The following LTBP4 variants were observed in gnomAD, a reference collection of about 807,000 sequenced individuals.
The protein encoded by LTBP4 is latent transforming growth factor beta binding protein 4, also known as latent-transforming growth factor beta-binding protein 4.
In LTBP4, 93 loss-of-function variants were observed where a neutral mutation model predicts 180.2. That is an observed-to-expected ratio of 0.52 (90% CI 0.44 to 0.61). The LOEUF (loss-of-function observed/expected upper bound fraction) is 0.61. Among genes scored for constraint, LTBP4 ranks in the 20% least tolerant of loss-of-function variants. The pLI is 0.00. For synonymous variants in LTBP4, 947 were observed against 934.5 expected (o/e 1.01, Z -0.24); for missense variants, 2,116 against 2,256.5 (o/e 0.94, Z 1.26).
At chr19:40,610,023 C>A in intron 11 of LTBP4, 152 bp downstream of exon 11, 1 of 1,065,750 alleles carries the variant, frequency 9.4e-7, no homozygotes, top group Non-Finnish European at 1.3e-6. Context: ...TTCCCTGACC[C>A]GCCTCCACCC....
At chr19:40,600,383 G>A (rs945365619), upstream of LTBP4, among the ~76,000 whole-genome samples, 3 of 152,156 alleles carry the variant, frequency 2.0e-5, no homozygotes, top group African/African-American at 7.2e-5. This position sits in a 1 kb window ranked among gnomAD's most constrained non-coding sequence, Gnocchi z 4.4. Flanking sequence ...CAGAGGCACT[G>A]ACCCGCGGGG....
At chr19:40,610,864 G>T (rs746795599) in intron 12 of LTBP4, 15 of 800,666 alleles carry the variant, frequency 1.9e-5, no homozygotes, top group Non-Finnish European at 2.7e-5. Flanking sequence ...GCTGAGTCAT[G>T]AAAGATGGAG....
chr19:40,623,885 G>A lies in LTBP4; in HGVS notation c.3686-51G>A, dbSNP rs565169957. On this transcript the variant is annotated intron_variant, in intron 25 of 29. Transcript: ENST00000396819. Reference sequence around the variant, plus strand: ...GCCAATGTGCTGGGAAGAGAAATGGGAAAGGGTGGGGAGAGTTGAAGGGGA... The same window carrying A: ...GCCAATGTGCTGGGAAGAGAAATGGAAAAGGGTGGGGAGAGTTGAAGGGGA... 217 of 1,605,866 alleles carry A rather than the reference G, an allele frequency of 1.4e-4. No homozygotes were observed. The East Asian group carries it at 4.8e-3, about 35-fold the overall frequency.
chr19:40,613,936 G>A lies in LTBP4; in HGVS notation c.2578G>A (p.Glu860Lys). ...CGCAGACGTTGACGAGTGCAGCGAG[G>A]AGGACCTTTGCCAGAGCGGCATCTG... ...SCLDVDECSE[E>K]DLCQSGICTN... The change falls in exon 18 of 30, where the codon GAG becomes AAG. Residue 860 changes from glutamate to lysine, a missense_variant. Coordinates refer to ENST00000396819, the MANE Select transcript of LTBP4 (RefSeq NM_001042545.2). The surrounding 1 kb of genome is among the most constrained non-coding windows in gnomAD (Gnocchi z 5.0). 1 of 1,613,696 alleles carries A rather than the reference G, an allele frequency of 6.2e-7. No homozygotes were observed. The highest frequency in any genetic ancestry group is 1.1e-5 in the South Asian group (1 of 91,070).
At chr19:40,617,725 G>A (rs1226287186) in intron 21 of LTBP4, among the ~76,000 whole-genome samples, 2 of 149,786 alleles carry the variant, frequency 1.3e-5, no homozygotes, top group Non-Finnish European at 3.0e-5. Flanking sequence ...TTTTATTTTT[G>A]TGTGTGTTCT....
intron 1 of LTBP4, among the ~76,000 whole-genome samples, chr19:40,593,993 T>A (rs2081378724): frequency 6.6e-6 from 1 of 151,690 alleles, no homozygotes; most frequent in East Asian, 2.0e-4. Context: ...AGGGTTTCAC[T>A]GTGTTGGCCA....
At chr19:40,628,205 C>A (rs912459694) in intron 29 of LTBP4, among the ~76,000 whole-genome samples, 2 of 152,216 alleles carry the variant, frequency 1.3e-5, no homozygotes, top group African/African-American at 4.8e-5. Flanking sequence ...GAATATTAAT[C>A]AAGTCTGCCT....
chr19:40,621,222 C>T (rs1229565417), intron 22 of LTBP4, among the ~76,000 whole-genome samples: 2 of 152,158 alleles, frequency 1.3e-5, no homozygotes, highest in East Asian at 1.9e-4. Context: ...GGATTACAGG[C>T]GTGAGCCACC....
intron 1 of LTBP4, among the ~76,000 whole-genome samples, chr19:40,602,076 T>C (rs982858573): frequency 6.7e-6 from 1 of 149,084 alleles, no homozygotes; most frequent in Non-Finnish European, 1.5e-5. Context: ...GGAATGCCTG[T>C]GAGGTGGGGT....
intron 19 of LTBP4, among the ~76,000 whole-genome samples, chr19:40,615,044 C>A (rs1472341121): frequency 2.6e-5 from 4 of 152,136 alleles, no homozygotes; most frequent in Non-Finnish European, 5.9e-5. Context: ...CCCTTCCTAT[C>A]TTTGCTCCGC....
chr19:40,622,679 C>T lies in LTBP4; in HGVS notation c.3484+12C>T. ...GGGCACCGAGACAGGTGGGCATGGG[C>T]TGATGGGGACACAGGGCTGAGGGCT... On this transcript the variant is annotated intron_variant, in intron 23 of 29. Transcript: ENST00000396819. The surrounding 1 kb of genome is among the most constrained non-coding windows in gnomAD (Gnocchi z 5.1). 6.3e-7 allele frequency: 1 copy of T among 1,593,120 alleles called. No individual in the cohort carries two copies. Among genetic ancestry groups the T allele is most frequent in the Non-Finnish European group, 8.5e-7 (1 of 1,170,054 alleles).
At chr19:40,600,558 AG>A (rs1347493813), upstream of LTBP4, among the ~76,000 whole-genome samples, 3 of 152,300 alleles carry the variant, frequency 2.0e-5, no homozygotes, top group African/African-American at 7.2e-5. This position sits in a 1 kb window ranked among gnomAD's most constrained non-coding sequence, Gnocchi z 4.4. Context: ...TGGGGGCCAA[AG>A]GCCTCCTCCT....
At position 40,622,653 on chromosome 19, in the gene LTBP4, C is replaced by T. The variant is rs755741997; in HGVS notation, c.3470C>T (p.Pro1157Leu). ...WGSGCRIQQC[P>L]GTETAEYQSL... is the part of the protein sequence containing the mutation. ...AGCGGCTGCCGCATCCAGCAGTGCC[C>T]GGGCACCGAGACAGGTGGGCATGGG... Residue 1157 changes from proline (P) to leucine (L), a missense_variant, in exon 23 of 30, where the codon CCG becomes CTG. Physicochemically the swap from Pro to Leu is moderately conservative, Grantham distance 98 (BLOSUM62 -3). This residue lies in a region of LTBP4 where 278 missense variants were observed against 373.0 expected (regional missense o/e 0.75). Transcript: ENST00000396819. The surrounding 1 kb of genome is among the most constrained non-coding windows in gnomAD (Gnocchi z 5.1). The T allele has an allele frequency of 2.0e-5, 32 of 1,602,722 alleles. No individual in the cohort carries two copies. The highest frequency in any genetic ancestry group is 5.4e-5 in the African/African-American group (4 of 74,672).
Position 40,605,886 on chromosome 19 carries a change from AC to A in LTBP4, c.793+57del. 1 of 1,502,820 alleles carries A rather than the reference AC, an allele frequency of 6.7e-7. No homozygotes were observed. Among genetic ancestry groups the A allele is most frequent in the Non-Finnish European group, 8.9e-7 (1 of 1,120,780 alleles). 93.1% of individuals were successfully genotyped at this position (1,502,820 alleles called of 1,614,324 possible). On this transcript the variant is annotated intron_variant, in intron 4 of 29. Transcript: ENST00000396819. This position sits in a 1 kb window ranked among gnomAD's most constrained non-coding sequence, Gnocchi z 5.5. ...GGAGCTGGGGAGTGGTGACAACCTC[AC>A]CGTTCCTCCTACTCTGCCCTAGATA...
Position 40,627,740 on chromosome 19 carries a change from G to A in LTBP4, c.4402G>A (p.Glu1468Lys). ...LAEPYEELEA[E>K]ECGILDGCTN... ...TGAGCCCTACGAGGAGCTGGAGGCGGAGGAGTGCGGGATCCTGGACGGCTG... is the reference window on the plus strand; with the variant it reads ...TGAGCCCTACGAGGAGCTGGAGGCGAAGGAGTGCGGGATCCTGGACGGCTG... The change falls in exon 29 of 30, where the codon GAG becomes AAG. Residue 1468 changes from glutamate (E) to lysine (K), a missense_variant. Around this residue, in one of 5 missense-constraint regions of LTBP4, gnomAD observed 488 missense variants for 458.8 expected, o/e 1.06. Transcript: ENST00000396819. The A allele has an allele frequency of 1.3e-6, 2 of 1,597,356 alleles. No individual in the cohort carries two copies. The highest frequency in any genetic ancestry group is 1.7e-5 in the Admixed American group (1 of 57,948).
chr19:40,623,759 C>G (rs767002525), intron 25 of LTBP4, 27 bp downstream of exon 25: 34 of 1,612,806 alleles, frequency 2.1e-5, no homozygotes, highest in Non-Finnish European at 2.7e-5. Context: ...CCCCAACCCC[C>G]GGCAACTCTC....
upstream of LTBP4, chr19:40,599,783 A>C (rs1599857301): frequency 3.5e-6 from 2 of 570,308 alleles, no homozygotes; most frequent in East Asian, 2.9e-5. Flanking sequence ...CTTTCTAGTT[A>C]CCTGTCTCTT....
Position 40,611,042 on chromosome 19 carries a change from G to C in LTBP4, c.1811-110G>C. 4 of 1,427,488 alleles carry C rather than the reference G, an allele frequency of 2.8e-6. No individual in the cohort carries two copies. The highest frequency in any genetic ancestry group is 3.9e-6 in the Non-Finnish European group (4 of 1,034,458). 88.4% of individuals were successfully genotyped at this position (1,427,488 alleles called of 1,614,324 possible). A position where few individuals can be genotyped will look rare whatever the true frequency, so the allele number is the denominator to read the frequency against. ...AGAGTCAGATGATGGTGACAAGGAG[G>C]AATAGAGATGGGGTCACGGGGACAG... On this transcript the variant is annotated intron_variant, in intron 12 of 29. Transcript: ENST00000396819. This position sits in a 1 kb window ranked among gnomAD's most constrained non-coding sequence, Gnocchi z 4.4.
upstream of LTBP4, chr19:40,598,436 T>A (rs1297013675): frequency 6.9e-6 from 1 of 144,374 alleles, no homozygotes; most frequent in Non-Finnish European, 1.5e-5. Context: ...CCCCTTAGCC[T>A]GGGGATAATG....
Sources: gnomAD v4.1 joint callset for allele counts (sites outside exome capture counted in the v4.1 genomes callset) on GRCh38, gnomAD v4.1.1 for gene constraint, gnomAD v4.1.1 regional missense constraint, Gnocchi (gnomAD v3.1) non-coding constraint, MANE v1.5 for transcripts, NCBI Gene and HGNC (gene_info 2026-07-23, HGNC 2026-07-21) for gene names.